Variants in RAP1GAP2 observed in about 807,000 individuals in gnomAD.
RAP1GAP2 encodes rap1 GTPase-activating protein 2.
A neutral mutation model predicts 95.0 loss-of-function variants in RAP1GAP2; 27 were observed. The observed-to-expected ratio is 0.28, with a 90% CI of 0.21 to 0.39. The LOEUF (loss-of-function observed/expected upper bound fraction) is 0.39, where lower values mean the gene tolerates loss of function less well. Ranked by LOEUF, RAP1GAP2 falls within the 10% of genes least tolerant of loss-of-function variation. The pLI, the probability that RAP1GAP2 is intolerant of heterozygous loss-of-function variation, is 1.00. For missense variants in RAP1GAP2, 771 were observed against 970.0 expected, an observed-to-expected ratio of 0.79 and a Z score of 2.72; for synonymous variants, 373 against 380.9, an observed-to-expected ratio of 0.98 and a Z score of 0.24.
rs1404067128 is a variant in RAP1GAP2 at position 3,029,249 on chromosome 17, C to G, written c.2108-1673C>G. ...TTTGAGTAAAGGAATTAGAGAGTCT[C>G]TGCAGGTTGCTGAAGGTCACCGAGG... is the stretch of plus-strand genomic sequence containing the variant. On this transcript the variant is annotated intron_variant, in intron 22 of 24. Coordinates refer to ENST00000254695, the MANE Select transcript of RAP1GAP2 (RefSeq NM_015085.5). The surrounding 1 kb of genome is among the most constrained non-coding windows in gnomAD (Gnocchi z 4.4). Among the ~76,000 whole-genome samples, 1 of 152,222 alleles carries G rather than the reference C, an allele frequency of 6.6e-6. No homozygotes were observed. The highest frequency in any genetic ancestry group is 1.5e-5 in the Non-Finnish European group (1 of 68,046).
At chr17:2,860,221 T>C (rs1478803991) in intron 2 of RAP1GAP2, among the ~76,000 whole-genome samples, 1 of 152,144 alleles carries the variant, frequency 6.6e-6, no homozygotes, top group African/African-American at 2.4e-5. Flanking sequence ...TGTTCTCTCC[T>C]TAGGAGGCAG....
rs1325412845 is a variant in RAP1GAP2 at position 3,033,919 on chromosome 17, C to T, written c.*558C>T. ...CCTGATAAAATTCGGCGCTATTGCCCCCGTAGCTCTGGAGCTCTAAACCGT... is the reference window on the plus strand; with the variant it reads ...CCTGATAAAATTCGGCGCTATTGCCTCCGTAGCTCTGGAGCTCTAAACCGT... On this transcript the variant is annotated 3_prime_UTR_variant, in exon 25 of 25. Transcript: ENST00000254695. This position sits in a 1 kb window ranked among gnomAD's most constrained non-coding sequence, Gnocchi z 4.9. 6.6e-6 allele frequency: 1 copy of T among 152,302 alleles called. No homozygotes were observed. The highest frequency in any genetic ancestry group is 2.4e-5 in the African/African-American group (1 of 41,452). The allele number at this position is 152,302 out of a possible 1,614,324, so 9.4% of individuals were successfully genotyped here. A position where few individuals can be genotyped will look rare whatever the true frequency, so the allele number is the denominator to read the frequency against.
chr17:2,811,113 C>T (rs1017836542), intron 2 of RAP1GAP2, among the ~76,000 whole-genome samples: 1 of 152,116 alleles, frequency 6.6e-6, no homozygotes. Flanking sequence ...TGGAAGGCTG[C>T]TTTTTCACCC....
chr17:2,861,553 T>G (rs1026559682), intron 2 of RAP1GAP2, among the ~76,000 whole-genome samples: 2 of 149,738 alleles, frequency 1.3e-5, no homozygotes, highest in African/African-American at 4.9e-5. Context: ...CTGCAACCTC[T>G]GCCTTCCAGG....
At chr17:2,776,596 C>T (rs1269663579), upstream of RAP1GAP2, among the ~76,000 whole-genome samples, 1 of 151,890 alleles carries the variant, frequency 6.6e-6, no homozygotes, top group African/African-American at 2.4e-5. Flanking sequence ...CAGGCAGCGG[C>T]ACAGGGACCA....
At chr17:2,779,544 C>G (rs2068587492) in intron 1 of RAP1GAP2, among the ~76,000 whole-genome samples, 1 of 152,168 alleles carries the variant, frequency 6.6e-6, no homozygotes, top group South Asian at 2.1e-4. Flanking sequence ...ATTTCACAGC[C>G]TATGAATTGG....
At chr17:2,945,190 A>T (rs1014285193) in intron 3 of RAP1GAP2, among the ~76,000 whole-genome samples, 3 of 152,198 alleles carry the variant, frequency 2.0e-5, no homozygotes, top group Admixed American at 6.5e-5. Context: ...CTATTTTAAA[A>T]TGGAATTGTT....
At chr17:2,847,116 C>T (rs1371688633) in intron 2 of RAP1GAP2, among the ~76,000 whole-genome samples, 1 of 152,242 alleles carries the variant, frequency 6.6e-6, no homozygotes, top group Admixed American at 6.5e-5. Flanking sequence ...TCACGCGATT[C>T]TCCTGCCTCA....
chr17:2,807,519 G>C (rs1018495814), intron 2 of RAP1GAP2, among the ~76,000 whole-genome samples: 1 of 152,148 alleles, frequency 6.6e-6, no homozygotes. Flanking sequence ...CATGGCACGG[G>C]ACAAGGGCTG....
intron 2 of RAP1GAP2, among the ~76,000 whole-genome samples, chr17:2,818,757 G>C (rs754161472): frequency 1.3e-5 from 2 of 152,216 alleles, no homozygotes; most frequent in African/African-American, 2.4e-5. Context: ...TCTGGCGCTA[G>C]ATTGCCTGGG....
At chr17:2,937,288 TCTTC>T in intron 3 of RAP1GAP2, among the ~76,000 whole-genome samples, 1 of 152,340 alleles carries the variant, frequency 6.6e-6, no homozygotes, top group African/African-American at 2.4e-5. Context: ...CCATCTCTCT[TCTTC>T]CTTGCTCCTT....
intron 2 of RAP1GAP2, among the ~76,000 whole-genome samples, chr17:2,826,473 C>T (rs935606925): frequency 1.3e-5 from 2 of 151,954 alleles, no homozygotes; most frequent in African/African-American, 4.8e-5. Flanking sequence ...AGTGTGTTGC[C>T]GGCGAGATGA....
chr17:2,854,378 C>A (rs1241866617), intron 2 of RAP1GAP2, among the ~76,000 whole-genome samples: 2 of 152,226 alleles, frequency 1.3e-5, no homozygotes, highest in East Asian at 3.9e-4. Context: ...CCCCCAGACC[C>A]TTTGCAGACC....
intron 2 of RAP1GAP2, among the ~76,000 whole-genome samples, chr17:2,838,074 G>A (rs867791268): frequency 4.4e-5 from 6 of 135,062 alleles, no homozygotes; most frequent in Non-Finnish European, 9.3e-5. Flanking sequence ...GCTGGAGTGC[G>A]GTGGTGCGAT....
chr17:2,867,323 G>T lies in RAP1GAP2; in HGVS notation c.81-37961G>T, dbSNP rs1311563563. On this transcript the variant is annotated intron_variant, in intron 2 of 24. Coordinates refer to ENST00000254695, the MANE Select transcript of RAP1GAP2 (RefSeq NM_015085.5). The surrounding 1 kb of genome is among the most constrained non-coding windows in gnomAD (Gnocchi z 4.5). The stretch of plus-strand genomic sequence containing the variant: ...TTAGGTAACTGGAAGGTTCAAGGGG[G>T]ACGGATTCAGGCCTGGCTGGATCGA... 6.6e-6 allele frequency among the ~76,000 whole-genome samples: 1 copy of T among 152,192 alleles called. No homozygotes were observed. The highest frequency in any genetic ancestry group is 2.4e-5 in the African/African-American group (1 of 41,448).
intron 2 of RAP1GAP2, among the ~76,000 whole-genome samples, chr17:2,828,632 G>C (rs2070694365): frequency 2.6e-5 from 4 of 152,152 alleles, no homozygotes; most frequent in African/African-American, 7.2e-5. Context: ...GCCCAGGACT[G>C]CCCGGGCATG....
chr17:2,908,624 G>T (rs190686209), intron 3 of RAP1GAP2, among the ~76,000 whole-genome samples: 225 of 152,214 alleles, frequency 1.5e-3, no homozygotes, highest in Middle Eastern at 3.4e-3. Flanking sequence ...ATGGCTCCCA[G>T]GTTTGTAGCC....
At chr17:2,938,018 G>C (rs1404906638) in intron 3 of RAP1GAP2, among the ~76,000 whole-genome samples, 1 of 152,182 alleles carries the variant, frequency 6.6e-6, no homozygotes, top group East Asian at 1.9e-4. Context: ...CGGGCTTTGT[G>C]CCTGGTGGCA....
chr17:2,766,208 C>G (rs893323176), intron 1 of RAP1GAP2, among the ~76,000 whole-genome samples: 1 of 152,172 alleles, frequency 6.6e-6, no homozygotes, highest in African/African-American at 2.4e-5. Flanking sequence ...GCCCATTCTA[C>G]CACGGCGCCT....
Sources: gnomAD v4.1 joint callset for allele counts (sites outside exome capture counted in the v4.1 genomes callset) on GRCh38, gnomAD v4.1.1 for gene constraint, Gnocchi (gnomAD v3.1) non-coding constraint, MANE v1.5 for transcripts, NCBI Gene and HGNC (gene_info 2026-07-23, HGNC 2026-07-21) for gene names.